Variants in ZBTB46 observed in about 807,000 individuals in gnomAD.
ZBTB46 encodes zinc finger and BTB domain containing 46.
Under a neutral mutation model 44.1 loss-of-function variants are expected in ZBTB46, and 8 were observed. The observed-to-expected ratio is 0.18, with a 90% CI of 0.11 to 0.33. The LOEUF (loss-of-function observed/expected upper bound fraction) is 0.33, where lower values mean the gene tolerates loss of function less well. ZBTB46 is among the 10% of genes least tolerant of loss of function. The pLI is 1.00. For missense variants in ZBTB46, 651 were observed against 847.7 expected (o/e 0.77, Z 2.88); for synonymous variants, 409 against 382.3 (o/e 1.07, Z -0.81).
At chr20:63,798,388 G>A (rs1300389567) in intron 1 of ZBTB46, among the ~76,000 whole-genome samples, 1 of 151,924 alleles carries the variant, frequency 6.6e-6, no homozygotes, top group Admixed American at 6.6e-5. Context: ...AATTAGCTGG[G>A]CGTTGGCCGC....
rs76843215 is a variant in ZBTB46 at position 63,810,865 on chromosome 20, A to T, written c.-33-20075T>A. On this transcript the variant is annotated intron_variant, in intron 1 of 4. Coordinates refer to ENST00000245663, the MANE Select transcript of ZBTB46 (RefSeq NM_001369741.1). ...CCCAGGAGGTGAACAGAGCGCGAAC[A>T]TGAGAGCAATCTACGTTTCTCTTTC... 8.2e-3 allele frequency among the ~76,000 whole-genome samples: 1,251 copies of T among 152,370 alleles called. 19 individuals carry two copies. The highest frequency in any genetic ancestry group is 0.029 in the African/African-American group (1,197 of 41,586).
At chr20:63,792,876 G>A (rs536756260) in intron 1 of ZBTB46, among the ~76,000 whole-genome samples, 62 of 152,332 alleles carry the variant, frequency 4.1e-4, no homozygotes, top group African/African-American at 1.4e-3. Flanking sequence ...GGGAAGATGA[G>A]GTAGAAAGGA....
chr20:63,823,097 G>C (rs145366680), intron 1 of ZBTB46, among the ~76,000 whole-genome samples: 24 of 148,158 alleles, frequency 1.6e-4, no homozygotes, highest in Middle Eastern at 6.8e-3. Context: ...GAAACCGAGA[G>C]GTGGAGATTG....
intron 1 of ZBTB46, among the ~76,000 whole-genome samples, chr20:63,807,155 TAGAG>T (rs199756107): frequency 2.6e-5 from 4 of 152,174 alleles, no homozygotes; most frequent in East Asian, 1.9e-4. Flanking sequence ...TATACATATA[TAGAG>T]AGAGACAGAG....
chr20:63,827,189 G>A (rs960292335), intron 1 of ZBTB46, among the ~76,000 whole-genome samples: 9 of 152,180 alleles, frequency 5.9e-5, no homozygotes, highest in African/African-American at 1.9e-4. Flanking sequence ...ACCCACCTCC[G>A]TGGGAACTTT....
At chr20:63,817,912 G>A (rs6062540) in intron 1 of ZBTB46, among the ~76,000 whole-genome samples, 4 of 152,074 alleles carry the variant, frequency 2.6e-5, no homozygotes, top group African/African-American at 4.8e-5. Flanking sequence ...GAGTGGCCCC[G>A]TCCACCCCGA....
chr20:63,825,944 G>A (rs1285259547), intron 1 of ZBTB46, among the ~76,000 whole-genome samples: 1 of 152,238 alleles, frequency 6.6e-6, no homozygotes, highest in East Asian at 1.9e-4. Context: ...CTTGCCCAGA[G>A]TAACGTGGGC....
intron 3 of ZBTB46, among the ~76,000 whole-genome samples, chr20:63,761,813 A>C (rs1665086743): frequency 6.6e-6 from 1 of 151,558 alleles, no homozygotes; most frequent in South Asian, 2.1e-4. Flanking sequence ...TCATTTCCAT[A>C]GGGATTTATT....
rs2092064313 is a variant in ZBTB46, at chr20:63,744,127, A to C, written c.*2803T>G. On this transcript the variant is annotated 3_prime_UTR_variant, in exon 5 of 5. Coordinates refer to ENST00000245663, the MANE Select transcript of ZBTB46 (RefSeq NM_001369741.1). ...AATATAAGATCTAAAAAAAACCACCACCATTAAGTATGGCTTTCTTAAGAG... is the reference window on the plus strand; with the variant it reads ...AATATAAGATCTAAAAAAAACCACCCCCATTAAGTATGGCTTTCTTAAGAG... The C allele has an allele frequency of 6.6e-6, 1 of 152,228 alleles. No homozygotes were observed. Among genetic ancestry groups the C allele is most frequent in the African/African-American group, 2.4e-5 (1 of 41,422 alleles). 9.4% of individuals were successfully genotyped at this position (152,228 alleles called of 1,614,324 possible). A position where few individuals can be genotyped will look rare whatever the true frequency, so the allele number is the denominator to read the frequency against.
At position 63,744,179 on chromosome 20, in the gene ZBTB46, A is replaced by G. The variant is rs919033885; in HGVS notation, c.*2751T>C. The stretch of plus-strand genomic sequence containing the variant: ...CGCACATGTCACAGAATGAGCTAAA[A>G]TAAGATTACTTCTTTTATAATATTG... On this transcript the variant is annotated 3_prime_UTR_variant, in exon 5 of 5. Coordinates refer to ENST00000245663, the MANE Select transcript of ZBTB46 (RefSeq NM_001369741.1). 1.3e-5 allele frequency: 2 copies of G among 152,344 alleles called. No individual in the cohort carries two copies. The highest frequency in any genetic ancestry group is 4.1e-4 in the South Asian group (2 of 4,822). 9.4% of individuals were successfully genotyped at this position (152,344 alleles called of 1,614,324 possible). A position where few individuals can be genotyped will look rare whatever the true frequency, so the allele number is the denominator to read the frequency against.
intron 2 of ZBTB46, among the ~76,000 whole-genome samples, chr20:63,786,669 G>A (rs1370157164): frequency 2.0e-5 from 3 of 151,970 alleles, no homozygotes; most frequent in Non-Finnish European, 2.9e-5. Flanking sequence ...GCACCACCAC[G>A]CCCAGCTAAC....
chr20:63,757,139 AG>A (rs1201754946), intron 3 of ZBTB46, among the ~76,000 whole-genome samples: 1 of 152,024 alleles, frequency 6.6e-6, no homozygotes, highest in Non-Finnish European at 1.5e-5. Context: ...ATTTTTGGGG[AG>A]GGGAACAGAA....
intron 3 of ZBTB46, among the ~76,000 whole-genome samples, chr20:63,768,529 C>A (rs377147518): frequency 7.9e-5 from 12 of 152,268 alleles, no homozygotes; most frequent in African/African-American, 2.9e-4. Context: ...ATCTCTTGAA[C>A]CCCGAAGGTG....
chr20:63,804,501 A>G (rs1486972689), intron 1 of ZBTB46, among the ~76,000 whole-genome samples: 1 of 151,996 alleles, frequency 6.6e-6, no homozygotes, highest in Non-Finnish European at 1.5e-5. Context: ...GACAGCACAC[A>G]TGCCACCTCG....
chr20:63,831,770 G>T (rs888786641), upstream of ZBTB46, among the ~76,000 whole-genome samples: 1 of 151,144 alleles, frequency 6.6e-6, no homozygotes, highest in Admixed American at 6.6e-5. Context: ...CGGGTGCCCA[G>T]GTCACCGGCC....
chr20:63,790,151 G>C lies in ZBTB46; in HGVS notation c.607C>G (p.Pro203Ala). The C allele has an allele frequency of 6.2e-7, 1 of 1,613,912 alleles. No individual in the cohort carries two copies. ...ACATCATCAGGGCCATCGGCCTTGGGCTCCTGATCCTCTTTCCCGTAGCTG... is the reference window on the plus strand; with the variant it reads ...ACATCATCAGGGCCATCGGCCTTGGCCTCCTGATCCTCTTTCCCGTAGCTG... ...GSSYGKEDQEPKADGPDDVSS... is the reference protein window; with the variant it reads ...GSSYGKEDQEAKADGPDDVSS... Residue 203 changes from proline to alanine, a missense_variant, in exon 2 of 5, where the codon CCC becomes GCC. By Grantham distance (27) the Pro-to-Ala change is conservative. This residue lies in a region of ZBTB46 where 385 missense variants were observed against 423.3 expected (regional missense o/e 0.91). Coordinates refer to ENST00000245663, the MANE Select transcript of ZBTB46 (RefSeq NM_001369741.1).
intron 4 of ZBTB46, among the ~76,000 whole-genome samples, chr20:63,748,423 G>A (rs1275611255): frequency 2.0e-5 from 3 of 152,246 alleles, no homozygotes; most frequent in African/African-American, 7.2e-5. Context: ...CACCTGTGCT[G>A]TGCAGAACCA....
At chr20:63,828,762 G>T (rs1457174084) in intron 1 of ZBTB46, among the ~76,000 whole-genome samples, 1 of 152,240 alleles carries the variant, frequency 6.6e-6, no homozygotes, top group African/African-American at 2.4e-5. Flanking sequence ...GCAGTGGAGC[G>T]GGTGCCTGGG....
Position 63,752,921 on chromosome 20 carries a change from A to G in ZBTB46, c.1223-60T>C. 7.2e-6 allele frequency: 11 copies of G among 1,525,106 alleles called. No individual in the cohort carries two copies. The South Asian group carries it at 1.2e-4, about 17-fold the overall frequency. 94.5% of individuals were successfully genotyped at this position (1,525,106 alleles called of 1,614,324 possible). A position where few individuals can be genotyped will look rare whatever the true frequency, so the allele number is the denominator to read the frequency against. On this transcript the variant is annotated intron_variant, in intron 3 of 4. Transcript: ENST00000245663. The surrounding 1 kb of genome is among the most constrained non-coding windows in gnomAD (Gnocchi z 5.6). The stretch of plus-strand genomic sequence containing the variant: ...CTTGGGATGTACCGCCCTGCGGCCC[A>G]CAGACCACGGCTGCACGCCGCAGCC...
Sources: allele counts gnomAD v4.1 joint callset (sites outside exome capture counted in the v4.1 genomes callset), GRCh38; gene constraint gnomAD v4.1.1; regional missense constraint gnomAD v4.1.1; non-coding constraint Gnocchi (gnomAD v3.1); transcripts MANE v1.5; gene names NCBI Gene and HGNC (gene_info 2026-07-23, HGNC 2026-07-21).